The following GYPB variants were observed in gnomAD, a reference collection of about 807,000 sequenced individuals.
GYPB encodes the protein glycophorin B (MNS blood group).
In GYPB, 13 loss-of-function variants were observed where a neutral mutation model predicts 15.3. The ratio of observed to expected loss-of-function variants is 0.85; its 90% CI spans 0.55 to 1.35. GYPB has a LOEUF of 1.35. Ranked by LOEUF, GYPB falls within the 40% of genes most tolerant of loss-of-function variation. The pLI, the probability that GYPB is intolerant of heterozygous loss-of-function variation, is 0.00. For synonymous variants in GYPB, 38 were observed against 36.9 expected, an observed-to-expected ratio of 1.03 and a Z score of -0.11; for missense variants, 131 against 108.3, an observed-to-expected ratio of 1.21 and a Z score of -0.93.
In GYPB at chr4:144,016,096, A is replaced by G. The variant is rs567741740; in HGVS notation, c.37+3155T>C. Among the ~76,000 whole-genome samples, 254 of 133,524 alleles carry G rather than the reference A, an allele frequency of 1.9e-3. 1 individual carries two copies. The highest frequency in any genetic ancestry group is 4.9e-3 in the Middle Eastern group (1 of 206). 87.6% of individuals were successfully genotyped at this position (133,524 alleles called of 152,430 possible). ...TACAGTTCCTGTAACTCTTTCCTGT[A>G]CCAATTAAATAGACAGCTAGCAAGG... On this transcript the variant is annotated intron_variant, in intron 1 of 4. Coordinates refer to ENST00000502664, the MANE Select transcript of GYPB (RefSeq NM_002100.6).
At chr4:144,014,073 T>A (rs1728366694) in intron 1 of GYPB, among the ~76,000 whole-genome samples, 3 of 151,470 alleles carry the variant, frequency 2.0e-5, no homozygotes, top group African/African-American at 7.4e-5. Context: ...CCCTCTGAAA[T>A]GGCTATAATT....
chr4:144,007,752 C>G lies in GYPB; in HGVS notation c.38-6469G>C, dbSNP rs908745108. Reference sequence around the variant, plus strand: ...AATTATCTGAGCCTCAGTTTTCTGGCCTCTAAGATGAGAGTAGTGGAACAG... The same window carrying G: ...AATTATCTGAGCCTCAGTTTTCTGGGCTCTAAGATGAGAGTAGTGGAACAG... On this transcript the variant is annotated intron_variant, in intron 1 of 4. Coordinates refer to ENST00000502664, the MANE Select transcript of GYPB (RefSeq NM_002100.6). 5.7e-4 allele frequency among the ~76,000 whole-genome samples: 86 copies of G among 151,490 alleles called. 4 individuals are homozygous for G. Among genetic ancestry groups the G allele is most frequent in the African/African-American group, 1.9e-3 (76 of 40,898 alleles).
At chr4:144,001,978 A>AC (rs1346403926) in intron 1 of GYPB, among the ~76,000 whole-genome samples, 37 of 149,506 alleles carry the variant, frequency 2.5e-4, no homozygotes, top group Admixed American at 2.4e-3. Context: ...CAAAAAAAAA[A>AC]AAAAAAAAAA....
At chr4:144,016,588 C>T (rs530170854) in intron 1 of GYPB, among the ~76,000 whole-genome samples, 5 of 151,254 alleles carry the variant, frequency 3.3e-5, no homozygotes, top group Non-Finnish European at 5.9e-5. Flanking sequence ...ATACCAGTCC[C>T]TTTGTTTCCT....
At chr4:144,017,205 T>C (rs1279010161) in intron 1 of GYPB, among the ~76,000 whole-genome samples, 4 of 150,770 alleles carry the variant, frequency 2.7e-5, no homozygotes, top group Non-Finnish European at 5.9e-5. Context: ...ATTCAGGGAC[T>C]GGGAATCAAG....
At chr4:144,018,353 G>T (rs879746365) in intron 1 of GYPB, among the ~76,000 whole-genome samples, 7 of 149,672 alleles carry the variant, frequency 4.7e-5, no homozygotes, top group Non-Finnish European at 7.4e-5. Context: ...CTCCCCTAGG[G>T]TATCTTAGAA....
intron 1 of GYPB, among the ~76,000 whole-genome samples, chr4:144,009,751 C>T (rs984756427): frequency 1.7e-4 from 25 of 148,880 alleles, no homozygotes; most frequent in Non-Finnish European, 3.5e-4. Context: ...GTAGCTGGGA[C>T]TACAGGCACC....
At chr4:144,001,401 A>C (rs746559376) in intron 1 of GYPB, 118 bp from the exon 2 acceptor site, 8 of 1,533,860 alleles carry the variant, frequency 5.2e-6, no homozygotes, top group Admixed American at 1.8e-5. Context: ...TAAGCGCTTT[A>C]GTATATATCT....
chr4:144,010,080 C>G (rs1728139552), intron 1 of GYPB, among the ~76,000 whole-genome samples: 1 of 151,290 alleles, frequency 6.6e-6, no homozygotes, highest in Admixed American at 6.6e-5. Context: ...CATAGATTCT[C>G]TGAGAAAATT....
In GYPB at chr4:144,014,765, A is replaced by G. The variant is rs1002602342; in HGVS notation, c.37+4486T>C. Among the ~76,000 whole-genome samples, 36 of 151,632 alleles carry G rather than the reference A, an allele frequency of 2.4e-4. 1 individual carries two copies. The highest frequency in any genetic ancestry group is 8.1e-4 in the African/African-American group (33 of 40,908). On this transcript the variant is annotated intron_variant, in intron 1 of 4. Coordinates refer to ENST00000502664, the MANE Select transcript of GYPB (RefSeq NM_002100.6). Reference sequence around the variant, plus strand: ...CAATTGTACACTTTAAAATGGTTCAAATGGTAAATTTATATTACGTGTATT... The same window carrying G: ...CAATTGTACACTTTAAAATGGTTCAGATGGTAAATTTATATTACGTGTATT...
rs750961404 is a variant in GYPB, at chr4:143,999,427, A to G, written c.159T>C (p.His53=). 1.3e-6 allele frequency: 2 copies of G among 1,544,252 alleles called. No homozygotes were observed. Among genetic ancestry groups the G allele is most frequent in the Non-Finnish European group, 1.8e-6 (2 of 1,121,198 alleles). The change falls in exon 3 of 5, where the codon CAT becomes CAC. Residue 53 remains histidine (H), a synonymous_variant. Coordinates refer to ENST00000502664, the MANE Select transcript of GYPB (RefSeq NM_002100.6). ...TTAACATACCTGGTACAGTGAAACG[A>G]TGGACAAGTTGTCCCGTTTCTCCTA... The part of the protein sequence containing the change: ...QTNGETGQLV[H]RFTVPAPVVI...
At chr4:144,015,699 G>T (rs1375729665) in intron 1 of GYPB, among the ~76,000 whole-genome samples, 1 of 151,342 alleles carries the variant, frequency 6.6e-6, no homozygotes, top group Non-Finnish European at 1.5e-5. Flanking sequence ...CTGCAAAGGA[G>T]TTCACAGTGG....
intron 1 of GYPB, 143 bp downstream of exon 1, chr4:144,019,108 T>G: frequency 7.4e-7 from 1 of 1,359,472 alleles, no homozygotes; most frequent in Non-Finnish European, 9.9e-7. Context: ...TGAGTTCCAG[T>G]AAAATCCATC....
In GYPB at chr4:144,008,596, A is replaced by C. The variant is rs971016767; in HGVS notation, c.38-7313T>G. 2.3e-5 allele frequency: 10 copies of C among 432,696 alleles called. 1 individual carries two copies. The highest frequency in any genetic ancestry group is 5.5e-4 in the Middle Eastern group (1 of 1,808). The allele number at this position is 432,696 out of a possible 1,614,324, so 26.8% of individuals were successfully genotyped here. ...AATCCTCAGAACAAAAGGGGATTTC[A>C]CATATTTTACCTGTGTCCACTTTAG... On this transcript the variant is annotated intron_variant, in intron 1 of 4. Transcript: ENST00000502664.
At chr4:144,016,457 CCTT>C (rs1352727520) in intron 1 of GYPB, among the ~76,000 whole-genome samples, 1 of 149,876 alleles carries the variant, frequency 6.7e-6, no homozygotes, top group Non-Finnish European at 1.5e-5. Flanking sequence ...GCTTCTCTCT[CCTT>C]CTCCCTCCCT....
At chr4:143,999,035 C>G (rs1391615523) in intron 3 of GYPB, among the ~76,000 whole-genome samples, 1 of 151,058 alleles carries the variant, frequency 6.6e-6, no homozygotes, top group Non-Finnish European at 1.5e-5. Flanking sequence ...GCCAGCCTCC[C>G]AAGCAGTTGA....
rs1728269761 is a variant in GYPB, at chr4:144,012,551, C to T, written c.37+6700G>A. On this transcript the variant is annotated intron_variant, in intron 1 of 4. Coordinates refer to ENST00000502664, the MANE Select transcript of GYPB (RefSeq NM_002100.6). ...TGAAGAAGAACACAGTTTGGTGAAT[C>T]ATACTTCATGAATGCAAAACTTATA... 3 of 151,512 alleles carry T rather than the reference C, an allele frequency of 2.0e-5. 1 individual carries two copies. Among genetic ancestry groups the T allele is most frequent in the African/African-American group, 7.4e-5 (3 of 40,814 alleles). 9.4% of individuals were successfully genotyped at this position (151,512 alleles called of 1,614,324 possible).
chr4:143,996,606 A>T (rs1439233386), intron 4 of GYPB, among the ~76,000 whole-genome samples: 4 of 150,472 alleles, frequency 2.7e-5, no homozygotes. Context: ...CTCTGCTATT[A>T]AAAAAATACA....
chr4:144,017,711 T>C lies in GYPB; in HGVS notation c.37+1540A>G, dbSNP rs550248836. Among the ~76,000 whole-genome samples the C allele has an allele frequency of 8.6e-5, 13 of 151,548 alleles. No homozygotes were observed. The South Asian group carries it at 2.1e-3, about 24-fold the overall frequency. ...TCCCAAATGCTGGGCACACCCCCAG[T>C]AGAGTACGCAGTGTCTAATTTTGTT... On this transcript the variant is annotated intron_variant, in intron 1 of 4. Coordinates refer to ENST00000502664, the MANE Select transcript of GYPB (RefSeq NM_002100.6).
Sources: allele counts gnomAD v4.1 joint callset (sites outside exome capture counted in the v4.1 genomes callset), GRCh38; gene constraint gnomAD v4.1.1; transcripts MANE v1.5; gene names NCBI Gene and HGNC (gene_info 2026-07-23, HGNC 2026-07-21).